The following GABBR2 variants were observed in gnomAD, a reference collection of about 807,000 sequenced individuals.
The protein encoded by GABBR2 is G-protein coupled receptor 51.
Under a neutral mutation model 105.6 loss-of-function variants are expected in GABBR2, and 23 were observed. The ratio of observed to expected loss-of-function variants is 0.22; its 90% CI spans 0.16 to 0.31. The LOEUF is 0.31. Among genes scored for constraint, GABBR2 ranks in the 10% least tolerant of loss-of-function variants. The pLI is 1.00. For synonymous variants in GABBR2, 478 were observed against 499.7 expected (o/e 0.96, Z 0.58); for missense variants, 734 against 1,245.5 (o/e 0.59, Z 6.18).
At position 98,505,330 on chromosome 9, in the gene GABBR2, G is replaced by C. The variant is rs1021551976; in HGVS notation, c.631-8816C>G. 3.9e-5 allele frequency among the ~76,000 whole-genome samples: 6 copies of C among 152,262 alleles called. No individual in the cohort carries two copies. In the South Asian group the frequency reaches 1.2e-3, roughly 32 times the overall value. On this transcript the variant is annotated intron_variant, in intron 3 of 18. Transcript: ENST00000259455. ...AAAGTAAGTGAAAAAAATGTAAAGGGCAAGTGTGTAACTGAATATGTATTA... is the reference window on the plus strand; with the variant it reads ...AAAGTAAGTGAAAAAAATGTAAAGGCCAAGTGTGTAACTGAATATGTATTA...
rs1195937173 is a variant in GABBR2 at position 98,388,771 on chromosome 9, C to T, written c.1529+83G>A. Reference sequence around the variant, plus strand: ...GCAGACTTCTGTGTCCCTGGGGAATCTGTCATGTGGCACTCCTATACTGTG... The same window carrying T: ...GCAGACTTCTGTGTCCCTGGGGAATTTGTCATGTGGCACTCCTATACTGTG... On this transcript the variant is annotated intron_variant, in intron 10 of 18. Transcript: ENST00000259455. The surrounding 1 kb of genome is among the most constrained non-coding windows in gnomAD (Gnocchi z 4.4). The T allele has an allele frequency of 4.5e-6, 5 of 1,105,066 alleles. No homozygotes were observed. The Admixed American group carries it at 1.2e-4, about 25-fold the overall frequency. The allele number at this position is 1,105,066 out of a possible 1,614,324, so 68.5% of individuals were successfully genotyped here.
At chr9:98,318,679 C>G (rs539040483) in intron 13 of GABBR2, among the ~76,000 whole-genome samples, 1 of 152,304 alleles carries the variant, frequency 6.6e-6, no homozygotes, top group East Asian at 1.9e-4. Context: ...TTCCTAGGCC[C>G]AGCCCAGCCC....
intron 2 of GABBR2, among the ~76,000 whole-genome samples, chr9:98,563,983 CCAA>C (rs1828714940): frequency 6.6e-6 from 1 of 152,130 alleles, no homozygotes; most frequent in Admixed American, 6.5e-5. Context: ...TTGATTTTCA[CCAA>C]CAACCAGTCG....
chr9:98,389,101 G>T (rs927583276), intron 9 of GABBR2, 97 bp from the exon 10 acceptor site: 2 of 1,038,792 alleles, frequency 1.9e-6, no homozygotes, highest in Non-Finnish European at 2.9e-6. Context: ...CAGGCCCTGC[G>T]CACAAACTCT....
chr9:98,404,857 G>C (rs924960574), intron 8 of GABBR2, among the ~76,000 whole-genome samples: 9 of 152,076 alleles, frequency 5.9e-5, no homozygotes, highest in African/African-American at 1.9e-4. Context: ...GATGAAAAGA[G>C]ACTAAAGAGA....
intron 1 of GABBR2, among the ~76,000 whole-genome samples, chr9:98,696,768 G>T (rs1442744763): frequency 1.3e-5 from 2 of 152,178 alleles, no homozygotes; most frequent in Non-Finnish European, 2.9e-5. Context: ...AAACACAACC[G>T]AAGGTGACAA....
At chr9:98,635,548 A>G (rs963029416) in intron 1 of GABBR2, among the ~76,000 whole-genome samples, 6 of 152,222 alleles carry the variant, frequency 3.9e-5, no homozygotes, top group African/African-American at 7.2e-5. Context: ...CTCTAACTTC[A>G]ACAAAAAGAA....
intron 7 of GABBR2, among the ~76,000 whole-genome samples, chr9:98,434,652 G>C (rs527991766): frequency 4.6e-5 from 7 of 152,288 alleles, no homozygotes; most frequent in African/African-American, 1.7e-4. Context: ...GACCAAGTGT[G>C]ATACAGCAAG....
chr9:98,609,101 T>C (rs1039826190), intron 1 of GABBR2, among the ~76,000 whole-genome samples: 4 of 152,218 alleles, frequency 2.6e-5, no homozygotes, highest in African/African-American at 9.6e-5. Context: ...TTTTTGTTTG[T>C]ATTGTAAAAA....
At chr9:98,476,216 AAATCAGATCAGCTCTG>A (rs1401333027) in intron 5 of GABBR2, among the ~76,000 whole-genome samples, 16 of 152,356 alleles carry the variant, frequency 1.1e-4, no homozygotes, top group Non-Finnish European at 1.9e-4. Flanking sequence ...TCAGAGCAGA[AAATCAGATCAGCTCTG>A]ACAGTTCTTC....
chr9:98,508,768 A>AC (rs1827570318), intron 3 of GABBR2, among the ~76,000 whole-genome samples: 1 of 151,120 alleles, frequency 6.6e-6, no homozygotes, highest in African/African-American at 2.4e-5. Context: ...ACAAAGCGGC[A>AC]GGAAACTCCA....
intron 1 of GABBR2, chr9:98,707,366 C>G (rs922457067): frequency 2.6e-5 from 4 of 152,306 alleles, no homozygotes; most frequent in African/African-American, 9.6e-5. Context: ...ATCACTGCCC[C>G]CTTCAGGCCG....
intron 1 of GABBR2, among the ~76,000 whole-genome samples, chr9:98,596,333 C>A (rs1355221274): frequency 6.6e-6 from 1 of 152,216 alleles, no homozygotes; most frequent in Admixed American, 6.5e-5. Flanking sequence ...TGCCTCAGGA[C>A]CCCTGCACCT....
chr9:98,631,220 A>C (rs1829812540), intron 1 of GABBR2, among the ~76,000 whole-genome samples: 1 of 152,182 alleles, frequency 6.6e-6, no homozygotes, highest in African/African-American at 2.4e-5. Flanking sequence ...CTATACACTT[A>C]AGAAAAAAGC....
At chr9:98,379,312 A>C (rs1831931198) in intron 11 of GABBR2, among the ~76,000 whole-genome samples, 1 of 152,154 alleles carries the variant, frequency 6.6e-6, no homozygotes. Context: ...TCTGTCACCC[A>C]GGCTAGAGTA....
intron 2 of GABBR2, among the ~76,000 whole-genome samples, chr9:98,572,398 G>C (rs112856423): frequency 6.6e-6 from 1 of 152,234 alleles, no homozygotes; most frequent in Non-Finnish European, 1.5e-5. Flanking sequence ...ATTCCTGGCT[G>C]TCTCTGTCCA....
At chr9:98,581,943 T>A (rs1350384320) in intron 1 of GABBR2, among the ~76,000 whole-genome samples, 2 of 152,190 alleles carry the variant, frequency 1.3e-5, no homozygotes, top group African/African-American at 4.8e-5. Context: ...TACAAAACAC[T>A]GGGATATGTC....
chr9:98,425,620 C>T (rs535724058), intron 7 of GABBR2, among the ~76,000 whole-genome samples: 2 of 152,190 alleles, frequency 1.3e-5, no homozygotes, highest in African/African-American at 4.8e-5. Context: ...CAAACCTGGG[C>T]AAACCAGGTG....
chr9:98,305,658 T>A (rs753742003), intron 15 of GABBR2, among the ~76,000 whole-genome samples: 5 of 152,002 alleles, frequency 3.3e-5, no homozygotes, highest in Non-Finnish European at 5.9e-5. Context: ...CTATAAAAAA[T>A]TTAAAAATTA....
Sources: gnomAD v4.1 joint callset for allele counts (sites outside exome capture counted in the v4.1 genomes callset) on GRCh38, gnomAD v4.1.1 for gene constraint, Gnocchi (gnomAD v3.1) non-coding constraint, MANE v1.5 for transcripts, NCBI Gene and HGNC (gene_info 2026-07-23, HGNC 2026-07-21) for gene names.